Variants in DAB1 observed in about 807,000 individuals in gnomAD.
The protein encoded by DAB1 is DAB adaptor protein 1, also known as disabled homolog 1.
A neutral mutation model predicts 64.6 loss-of-function variants in DAB1; 15 were observed. The observed-to-expected ratio is 0.23, with a 90% CI of 0.16 to 0.36. The LOEUF (loss-of-function observed/expected upper bound fraction) is 0.36, where lower values mean the gene tolerates loss of function less well. DAB1 is among the 10% of genes least tolerant of loss of function. The pLI is 1.00. For synonymous variants in DAB1, 235 were observed against 251.9 expected (o/e 0.93, Z 0.64); for missense variants, 596 against 706.7 (o/e 0.84, Z 1.78).
chr1:58,189,594 T>C (rs765084948), intron 4 of DAB1, among the ~76,000 whole-genome samples: 8 of 152,206 alleles, frequency 5.3e-5, no homozygotes, highest in Middle Eastern at 3.2e-3. Context: ...CAACCAGCCC[T>C]GCCCACTGGT....
intron 5 of DAB1, among the ~76,000 whole-genome samples, chr1:58,005,608 TAAAA>T (rs5774389): frequency 7.5e-5 from 10 of 132,982 alleles, no homozygotes; most frequent in Non-Finnish European, 9.5e-5. Flanking sequence ...CTGCCTTGGT[TAAAA>T]AAAAAAAAAA....
intron 5 of DAB1, among the ~76,000 whole-genome samples, chr1:58,072,267 T>C (rs1306857106): frequency 6.6e-6 from 1 of 152,194 alleles, no homozygotes; most frequent in Non-Finnish European, 1.5e-5. Context: ...AGCAAAGTTA[T>C]TAAATATTTA....
chr1:58,451,929 T>G (rs1244174697), intron 3 of DAB1, among the ~76,000 whole-genome samples: 1 of 151,502 alleles, frequency 6.6e-6, no homozygotes, highest in Non-Finnish European at 1.5e-5. Context: ...CCTTTTTTTT[T>G]TTTTTTTGAC....
intron 6 of DAB1, among the ~76,000 whole-genome samples, chr1:57,819,287 T>C (rs1021113429): frequency 2.0e-5 from 3 of 152,230 alleles, no homozygotes; most frequent in Non-Finnish European, 4.4e-5. Context: ...AGAAAGTGCA[T>C]CCAGACAGGG....
chr1:58,025,836 T>G (rs1051700377), intron 5 of DAB1, among the ~76,000 whole-genome samples: 2 of 151,768 alleles, frequency 1.3e-5, no homozygotes, highest in Admixed American at 1.3e-4. Flanking sequence ...GACCCCTGGA[T>G]AAGTCTCCAG....
At chr1:57,983,840 T>C (rs956684458) in intron 5 of DAB1, among the ~76,000 whole-genome samples, 6 of 151,918 alleles carry the variant, frequency 3.9e-5, no homozygotes, top group Admixed American at 3.3e-4. Context: ...GCAATTAGAG[T>C]GTCTATCTAC....
At chr1:57,651,191 C>A (rs970944102) in intron 6 of DAB1, among the ~76,000 whole-genome samples, 3 of 151,820 alleles carry the variant, frequency 2.0e-5, no homozygotes, top group African/African-American at 7.3e-5. Flanking sequence ...AAAATATACA[C>A]ACACACAAAG....
intron 3 of DAB1, among the ~76,000 whole-genome samples, chr1:58,504,957 C>T (rs892173054): frequency 6.6e-6 from 1 of 151,740 alleles, no homozygotes; most frequent in African/African-American, 2.4e-5. Context: ...CTGAAAGATA[C>T]TTCTTTTTTT....
At chr1:57,189,841 A>AG (rs1173497614) in intron 2 of DAB1, among the ~76,000 whole-genome samples, 32 of 120,572 alleles carry the variant, frequency 2.7e-4, no homozygotes, top group African/African-American at 8.8e-4. Flanking sequence ...TGCAAAGGGA[A>AG]GGGGAAAAAA....
intron 6 of DAB1, among the ~76,000 whole-genome samples, chr1:57,780,557 A>C (rs1239593507): frequency 2.0e-5 from 3 of 150,436 alleles, no homozygotes; most frequent in African/African-American, 7.3e-5. Flanking sequence ...GTTAAAACAT[A>C]GACAATTTTG....
intron 1 of DAB1, among the ~76,000 whole-genome samples, chr1:58,528,831 A>C (rs1407251081): frequency 1.3e-5 from 2 of 152,370 alleles, no homozygotes; most frequent in East Asian, 3.9e-4. Flanking sequence ...CCTCGTCACC[A>C]AAATTATTGA....
intron 9 of DAB1, among the ~76,000 whole-genome samples, chr1:57,037,101 G>T (rs1291034275): frequency 1.3e-5 from 2 of 152,162 alleles, no homozygotes; most frequent in Non-Finnish European, 2.9e-5. Flanking sequence ...GGATTGTACT[G>T]GTCTAGGGTG....
intron 6 of DAB1, among the ~76,000 whole-genome samples, chr1:57,751,191 C>A (rs1392537842): frequency 6.6e-6 from 1 of 152,054 alleles, no homozygotes; most frequent in Non-Finnish European, 1.5e-5. Context: ...AGGAGAGCAC[C>A]ACAGAGAAAA....
chr1:57,413,991 T>C (rs1684312343), intron 1 of DAB1, among the ~76,000 whole-genome samples: 1 of 152,174 alleles, frequency 6.6e-6, no homozygotes, highest in South Asian at 2.1e-4. Flanking sequence ...ATGCTACAAC[T>C]TTAGCGGATA....
At chr1:57,300,289 G>C (rs1187737127) in intron 1 of DAB1, among the ~76,000 whole-genome samples, 1 of 152,146 alleles carries the variant, frequency 6.6e-6, no homozygotes, top group Non-Finnish European at 1.5e-5. Context: ...TATTAGGGAG[G>C]GAAAAAGAGA....
intron 3 of DAB1, among the ~76,000 whole-genome samples, chr1:58,478,633 G>A (rs1463372708): frequency 6.6e-6 from 1 of 152,248 alleles, no homozygotes; most frequent in Admixed American, 6.5e-5. Flanking sequence ...CCTTTGAACA[G>A]ATAATTATTG....
chr1:56,996,379 C>T lies in DAB1; in HGVS notation c.*1765G>A, dbSNP rs1173298450. ...TAACTGCATAGGAACATCAGGAAAA[C>T]ACACTTGACCTGTATAACAATTCTC... On this transcript the variant is annotated 3_prime_UTR_variant, in exon 15 of 15. Coordinates refer to ENST00000371236, the MANE Select transcript of DAB1 (RefSeq NM_001365792.1). 1.3e-5 allele frequency: 2 copies of T among 152,138 alleles called. No homozygotes were observed. The highest frequency in any genetic ancestry group is 4.8e-5 in the African/African-American group (2 of 41,442). 9.4% of individuals were successfully genotyped at this position (152,138 alleles called of 1,614,324 possible).
At chr1:57,796,425 G>C (rs1650868007) in intron 6 of DAB1, among the ~76,000 whole-genome samples, 1 of 152,084 alleles carries the variant, frequency 6.6e-6, no homozygotes, top group African/African-American at 2.4e-5. Context: ...TACTCGGGAG[G>C]CTGAGGCAGG....
chr1:57,184,806 G>T (rs574049945), intron 2 of DAB1, among the ~76,000 whole-genome samples: 1 of 152,046 alleles, frequency 6.6e-6, no homozygotes, highest in Non-Finnish European at 1.5e-5. Flanking sequence ...TCCCATAGAC[G>T]CTTTTTCATG....
Sources: allele counts gnomAD v4.1 joint callset (sites outside exome capture counted in the v4.1 genomes callset), GRCh38; gene constraint gnomAD v4.1.1; transcripts MANE v1.5; gene names NCBI Gene and HGNC (gene_info 2026-07-23, HGNC 2026-07-21).